Variants in MYO1D observed in about 807,000 individuals in gnomAD.
The protein encoded by MYO1D is unconventional myosin-Id.
In MYO1D, 83 loss-of-function variants were observed where a neutral mutation model predicts 122.0. The observed-to-expected ratio is 0.68, with a 90% CI of 0.57 to 0.82. The LOEUF (loss-of-function observed/expected upper bound fraction) is 0.82. Among genes scored for constraint, MYO1D ranks in the 40% least tolerant of loss-of-function variants. The pLI, the probability that MYO1D is intolerant of heterozygous loss-of-function variation, is 0.00. For synonymous variants in MYO1D, 464 were observed against 446.9 expected, an observed-to-expected ratio of 1.04 and a Z score of -0.48; for missense variants, 1,157 against 1,269.5, an observed-to-expected ratio of 0.91 and a Z score of 1.35.
chr17:32,536,023 C>CT (rs904746874), intron 21 of MYO1D, among the ~76,000 whole-genome samples: 13 of 151,832 alleles, frequency 8.6e-5, no homozygotes, highest in African/African-American at 2.9e-4. Context: ...GATACAGACT[C>CT]TTTTTTTTGT....
chr17:32,614,565 A>G (rs895848108), intron 20 of MYO1D, among the ~76,000 whole-genome samples: 3 of 151,790 alleles, frequency 2.0e-5, no homozygotes, highest in African/African-American at 7.2e-5. Context: ...CTTTCTTTTC[A>G]CCTTTCTCTG....
intron 1 of MYO1D, among the ~76,000 whole-genome samples, chr17:32,819,063 A>G (rs1018430202): frequency 1.3e-5 from 2 of 152,256 alleles, no homozygotes; most frequent in Non-Finnish European, 2.9e-5. Flanking sequence ...GCCGCTGAAA[A>G]GTAACTACAG....
chr17:32,744,061 C>T (rs969664275), intron 13 of MYO1D, among the ~76,000 whole-genome samples: 6 of 152,170 alleles, frequency 3.9e-5, no homozygotes, highest in Admixed American at 3.9e-4. Context: ...CAACGCTTCC[C>T]TTCATACTTT....
At chr17:32,840,670 T>C (rs2151073463) in intron 1 of MYO1D, among the ~76,000 whole-genome samples, 1 of 152,294 alleles carries the variant, frequency 6.6e-6, no homozygotes, top group East Asian at 1.9e-4. Context: ...AGAACTTGAC[T>C]CCCAACAATT....
intron 21 of MYO1D, among the ~76,000 whole-genome samples, chr17:32,514,638 T>G (rs1027343238): frequency 6.6e-6 from 1 of 152,156 alleles, no homozygotes; most frequent in Non-Finnish European, 1.5e-5. Flanking sequence ...CCAACAACAA[T>G]GGGTAAATTA....
chr17:32,691,981 G>C (rs1012428824), intron 16 of MYO1D, among the ~76,000 whole-genome samples: 9 of 152,032 alleles, frequency 5.9e-5, no homozygotes, highest in African/African-American at 1.9e-4. Flanking sequence ...TCTGTGGTCT[G>C]AGTGTCCATA....
Position 32,507,245 on chromosome 17 carries a change from A to T in MYO1D, c.2865-12330T>A, listed in dbSNP as rs553822459. Among the ~76,000 whole-genome samples, 1,294 of 137,470 alleles carry T rather than the reference A, an allele frequency of 9.4e-3. 19 individuals are homozygous for T. The highest frequency in any genetic ancestry group is 0.039 in the African/African-American group (1,177 of 29,800). The allele number at this position is 137,470 out of a possible 152,430, so 90.2% of individuals were successfully genotyped here. A position where few individuals can be genotyped will look rare whatever the true frequency, so the allele number is the denominator to read the frequency against. On this transcript the variant is annotated intron_variant, in intron 21 of 21. Coordinates refer to ENST00000318217, the MANE Select transcript of MYO1D (RefSeq NM_015194.3). ...ATGAGACCCTGTCTTTACAAAAAAT[A>T]AAAAAAAAACTAGCCAGGTGTGGTG... is the stretch of plus-strand genomic sequence containing the variant.
At chr17:32,560,892 ACAGGCATGAGCCACTATGCGTGG>A in intron 21 of MYO1D, among the ~76,000 whole-genome samples, 1 of 149,634 alleles carries the variant, frequency 6.7e-6, no homozygotes, top group Admixed American at 6.7e-5. Context: ...TGCGAGGATT[ACAGGCATGAGCCACTATGCGTGG>A]CTTTTTTTTT....
intron 15 of MYO1D, among the ~76,000 whole-genome samples, chr17:32,712,941 G>C (rs1286719344): frequency 6.6e-6 from 1 of 152,136 alleles, no homozygotes; most frequent in African/African-American, 2.4e-5. Flanking sequence ...CAAATCACTA[G>C]GTCTAGCCTA....
chr17:32,807,460 T>C (rs900657593), intron 1 of MYO1D, among the ~76,000 whole-genome samples: 1 of 152,226 alleles, frequency 6.6e-6, no homozygotes, highest in Non-Finnish European at 1.5e-5. Context: ...ATATATCATA[T>C]AATCTGATCT....
intron 1 of MYO1D, among the ~76,000 whole-genome samples, chr17:32,864,938 A>T (rs1291190010): frequency 2.0e-5 from 3 of 152,014 alleles, no homozygotes; most frequent in Non-Finnish European, 2.9e-5. Context: ...GAATGCAATT[A>T]AAAAAAACAG....
chr17:32,576,289 G>C (rs928444909), intron 21 of MYO1D, among the ~76,000 whole-genome samples: 6 of 152,092 alleles, frequency 3.9e-5, no homozygotes, highest in Non-Finnish European at 8.8e-5. Context: ...AAGGAACCTG[G>C]GTCTCCTGAC....
intron 11 of MYO1D, among the ~76,000 whole-genome samples, chr17:32,751,225 C>T (rs774826850): frequency 1.1e-4 from 16 of 152,134 alleles, no homozygotes; most frequent in Non-Finnish European, 2.1e-4. Flanking sequence ...AATGAAATAA[C>T]TGTCACAAGA....
At chr17:32,811,405 G>C (rs1405033043) in intron 1 of MYO1D, among the ~76,000 whole-genome samples, 3 of 152,166 alleles carry the variant, frequency 2.0e-5, no homozygotes, top group Non-Finnish European at 4.4e-5. Context: ...GATGCATGCT[G>C]CATCTCCCAA....
intron 1 of MYO1D, 101 bp downstream of exon 1, chr17:32,876,677 G>A (rs1204252447): frequency 2.1e-6 from 2 of 961,140 alleles, no homozygotes; most frequent in African/African-American, 1.8e-5. Context: ...CATCCCTGGA[G>A]CTTGGGCGCT....
Position 32,493,690 on chromosome 17 carries a change from C to G in MYO1D, c.*1069G>C, listed in dbSNP as rs1908973084. ...AGAAACTGGCAAGCTGGCAGTGCTC[C>G]CTGGCACCAGTTTCACGGGCGCAGG... On this transcript the variant is annotated 3_prime_UTR_variant, in exon 22 of 22. Coordinates refer to ENST00000318217, the MANE Select transcript of MYO1D (RefSeq NM_015194.3). The G allele has an allele frequency of 6.6e-6, 1 of 152,352 alleles. No individual in the cohort carries two copies. The allele number at this position is 152,352 out of a possible 1,614,324, so 9.4% of individuals were successfully genotyped here. A position where few individuals can be genotyped will look rare whatever the true frequency, so the allele number is the denominator to read the frequency against.
chr17:32,532,227 C>A (rs532313940), intron 21 of MYO1D, among the ~76,000 whole-genome samples: 32 of 152,358 alleles, frequency 2.1e-4, no homozygotes, highest in African/African-American at 7.5e-4. Flanking sequence ...TTCTGATTTG[C>A]ACCTTTCTTT....
At chr17:32,617,441 C>CT (rs1237501294) in intron 20 of MYO1D, among the ~76,000 whole-genome samples, 8 of 151,830 alleles carry the variant, frequency 5.3e-5, no homozygotes, top group Non-Finnish European at 5.9e-5. Flanking sequence ...CTGCTTTGCT[C>CT]TTTTTTTTGA....
At chr17:32,586,246 G>T (rs1433800197) in intron 21 of MYO1D, among the ~76,000 whole-genome samples, 1 of 152,114 alleles carries the variant, frequency 6.6e-6, no homozygotes, top group Admixed American at 6.5e-5. Flanking sequence ...TTAAAATTCA[G>T]GGGGAAAAAT....
Sources: allele counts gnomAD v4.1 joint callset (sites outside exome capture counted in the v4.1 genomes callset), GRCh38; gene constraint gnomAD v4.1.1; transcripts MANE v1.5; gene names NCBI Gene and HGNC (gene_info 2026-07-23, HGNC 2026-07-21).